Variants in EEA1 observed in about 807,000 individuals in gnomAD.
EEA1 encodes the protein early endosome antigen 1, 162kD.
EEA1 carries 111 observed loss-of-function variants against 209.2 expected under a neutral mutation model. The observed-to-expected ratio is 0.53, with a 90% CI of 0.45 to 0.62. The LOEUF (loss-of-function observed/expected upper bound fraction) is 0.62, where lower values mean the gene tolerates loss of function less well. Ranked by LOEUF, EEA1 falls within the 20% of genes least tolerant of loss-of-function variation. The probability of loss-of-function intolerance (pLI) is 0.00; values close to 1 mark genes in which losing one functional copy is unlikely to be tolerated. For missense variants in EEA1, 1,343 were observed against 1,530.8 expected, an observed-to-expected ratio of 0.88 and a Z score of 2.05; for synonymous variants, 536 against 540.6, an observed-to-expected ratio of 0.99 and a Z score of 0.12.
intron 13 of EEA1, among the ~76,000 whole-genome samples, chr12:92,819,819 A>T (rs967272039): frequency 3.3e-5 from 5 of 152,002 alleles, no homozygotes; most frequent in Non-Finnish European, 5.9e-5. Flanking sequence ...CATGAGACTC[A>T]ATCTCATACT....
intron 20 of EEA1, among the ~76,000 whole-genome samples, chr12:92,800,473 CA>C (rs1209048668): frequency 6.6e-6 from 1 of 152,102 alleles, no homozygotes; most frequent in African/African-American, 2.4e-5. Flanking sequence ...AGCATTTGAC[CA>C]TATCCAAAGT....
At chr12:92,812,157 C>A (rs1293089755) in intron 16 of EEA1, among the ~76,000 whole-genome samples, 1 of 152,066 alleles carries the variant, frequency 6.6e-6, no homozygotes, top group East Asian at 1.9e-4. Context: ...TGGTGAAACC[C>A]TGTCTCTACT....
At chr12:92,896,936 AGG>A (rs1238080293) in intron 1 of EEA1, among the ~76,000 whole-genome samples, 2 of 152,104 alleles carry the variant, frequency 1.3e-5, no homozygotes, top group Non-Finnish European at 2.9e-5. Context: ...GTGCTTTGGG[AGG>A]CCAAAGAAGG....
At chr12:92,812,060 G>A (rs959661799) in intron 16 of EEA1, among the ~76,000 whole-genome samples, 1 of 152,126 alleles carries the variant, frequency 6.6e-6, no homozygotes, top group Non-Finnish European at 1.5e-5. Flanking sequence ...GCCAGGTGCG[G>A]TGGCTCACAC....
intron 18 of EEA1, among the ~76,000 whole-genome samples, chr12:92,803,865 G>T (rs1195368196): frequency 6.6e-6 from 1 of 152,042 alleles, no homozygotes; most frequent in Non-Finnish European, 1.5e-5. Context: ...ATTAAGACTT[G>T]ATATATTTAT....
chr12:92,867,869 AG>A (rs1878472402), intron 2 of EEA1, among the ~76,000 whole-genome samples: 1 of 150,306 alleles, frequency 6.7e-6, no homozygotes, highest in Non-Finnish European at 1.5e-5. Context: ...TGTGTGTGAG[AG>A]AGAGAGAGAG....
At chr12:92,816,111 T>C in intron 15 of EEA1, 89 bp downstream of exon 15, 3 of 1,180,774 alleles carry the variant, frequency 2.5e-6, no homozygotes, top group Non-Finnish European at 3.6e-6. Flanking sequence ...TTTCAATTAA[T>C]ATGCAAGGTA....
chr12:92,858,545 T>C (rs557436035), intron 3 of EEA1: 16 of 777,886 alleles, frequency 2.1e-5, no homozygotes, highest in Admixed American at 8.7e-5. Flanking sequence ...CCTTTAACCA[T>C]TGTCTTAGCA....
intron 11 of EEA1, among the ~76,000 whole-genome samples, chr12:92,829,282 A>G (rs1422606815): frequency 1.3e-5 from 2 of 151,150 alleles, no homozygotes; most frequent in African/African-American, 4.9e-5. Flanking sequence ...ACTCCAGCCT[A>G]GGCAACAAAG....
intron 14 of EEA1, among the ~76,000 whole-genome samples, chr12:92,818,326 T>C (rs1268216081): frequency 6.6e-6 from 1 of 152,160 alleles, no homozygotes; most frequent in Non-Finnish European, 1.5e-5. Context: ...AGAGTTCATG[T>C]CACTTGCTTC....
intron 2 of EEA1, among the ~76,000 whole-genome samples, chr12:92,872,645 T>C (rs1230498423): frequency 6.6e-6 from 1 of 152,190 alleles, no homozygotes; most frequent in Non-Finnish European, 1.5e-5. Context: ...CTTGAGGTTT[T>C]GTCAAATAAG....
chr12:92,888,599 A>C (rs188586910), intron 2 of EEA1, among the ~76,000 whole-genome samples: 61 of 152,160 alleles, frequency 4.0e-4, no homozygotes, highest in African/African-American at 4.6e-4. Flanking sequence ...AACAAACAAA[A>C]AAAAAAACCC....
At chr12:92,909,320 G>A (rs1880496041) in intron 1 of EEA1, among the ~76,000 whole-genome samples, 1 of 152,124 alleles carries the variant, frequency 6.6e-6, no homozygotes, top group African/African-American at 2.4e-5. Context: ...AAAAAGCAAG[G>A]AAGCTTTTTG....
At chr12:92,839,485 T>C (rs1877073500) in intron 10 of EEA1, among the ~76,000 whole-genome samples, 1 of 152,186 alleles carries the variant, frequency 6.6e-6, no homozygotes, top group South Asian at 2.1e-4. Flanking sequence ...CTAAATTTTC[T>C]TCATATACTT....
chr12:92,812,388 A>C (rs189589963), intron 16 of EEA1, among the ~76,000 whole-genome samples: 3 of 152,216 alleles, frequency 2.0e-5, no homozygotes, highest in East Asian at 1.9e-4. Flanking sequence ...AAATTTTAAA[A>C]ATTTCTACCA....
intron 21 of EEA1, among the ~76,000 whole-genome samples, chr12:92,790,330 T>G (rs971074898): frequency 2.6e-5 from 4 of 152,176 alleles, no homozygotes; most frequent in African/African-American, 4.8e-5. Flanking sequence ...AATAACGAAC[T>G]TCTCCGAGCT....
chr12:92,811,413 G>C lies in EEA1; in HGVS notation c.2065C>G (p.Gln689Glu), dbSNP rs150040256. ...KQQELNKITT[Q>E]LDQVTAKLQD... ...AACTTTGCAGTGACCTGATCCAACTGAGTAGTAATCTTATTTAACTCCTTT... is the reference window on the plus strand; with the variant it reads ...AACTTTGCAGTGACCTGATCCAACTCAGTAGTAATCTTATTTAACTCCTTT... Residue 689 changes from glutamine (Q) to glutamate (E), a missense_variant, in exon 17 of 29, where the codon CAG (glutamine) becomes GAG (glutamate). Gln to Glu is a conservative substitution (Grantham distance 29, BLOSUM62 2). Around this residue, in one of 3 missense-constraint regions of EEA1, gnomAD observed 1,307 missense variants for 1,465.5 expected, o/e 0.89. Coordinates refer to ENST00000322349, the MANE Select transcript of EEA1 (RefSeq NM_003566.4). The C allele has an allele frequency of 3.8e-6, 6 of 1,579,154 alleles. No homozygotes were observed. In the African/African-American group the frequency reaches 8.2e-5, roughly 22 times the overall value.
At chr12:92,875,152 CA>C (rs1012270521) in intron 2 of EEA1, among the ~76,000 whole-genome samples, 1 of 151,972 alleles carries the variant, frequency 6.6e-6, no homozygotes, top group Non-Finnish European at 1.5e-5. Flanking sequence ...AAAAGTTACC[CA>C]AAAAAATGAC....
At chr12:92,906,118 G>A (rs1279452887) in intron 1 of EEA1, among the ~76,000 whole-genome samples, 2 of 147,844 alleles carry the variant, frequency 1.4e-5, no homozygotes, top group African/African-American at 2.5e-5. Context: ...CTGAGACAGG[G>A]TCTTACTCTG....
Sources: gnomAD v4.1 joint callset for allele counts (sites outside exome capture counted in the v4.1 genomes callset) on GRCh38, gnomAD v4.1.1 for gene constraint, gnomAD v4.1.1 regional missense constraint, MANE v1.5 for transcripts, NCBI Gene and HGNC (gene_info 2026-07-23, HGNC 2026-07-21) for gene names.